MTFR1: variants seen among roughly 807,000 people sequenced by gnomAD.
MTFR1 encodes mitochondrial fission regulator 1, also known as chondrocyte protein with a poly-proline region.
A neutral mutation model predicts 38.8 loss-of-function variants in MTFR1; 28 were observed. The observed-to-expected ratio is 0.72, with a 90% confidence interval of 0.53 to 0.99. MTFR1 has a LOEUF of 0.99. MTFR1 is among the 50% of genes least tolerant of loss of function. MTFR1 has a pLI of 0.00. For synonymous variants in MTFR1, 145 were observed against 137.0 expected (o/e 1.06, Z -0.41); for missense variants, 358 against 395.5 (o/e 0.91, Z 0.81).
chr8:65,707,229 A>G lies in MTFR1; in HGVS notation c.737A>G (p.Asn246Ser). Reference sequence around the variant, plus strand: ...ATGCTAGAGATCCTTAAAGAGATGAACAGTGTAAAACTTCGGTCAGTGAAG... The same window carrying G: ...ATGCTAGAGATCCTTAAAGAGATGAGCAGTGTAAAACTTCGGTCAGTGAAG... Reference protein sequence around the residue: ...PNMLEILKEMNSVKLRSVKRS... With the variant: ...PNMLEILKEMSSVKLRSVKRS... The change falls in exon 6 of 8, where the codon AAC becomes AGC. Residue 246 changes from asparagine to serine, a missense_variant. Transcript: ENST00000262146. 6.2e-7 allele frequency: 1 copy of G among 1,614,156 alleles called. No homozygotes were observed. The highest frequency in any genetic ancestry group is 8.5e-7 in the Non-Finnish European group (1 of 1,180,014).
intron 2 of MTFR1, 184 bp from the exon 3 acceptor site, chr8:65,682,165 ATCTC>A (rs779130371): frequency 3.3e-4 from 88 of 268,126 alleles, no homozygotes; most frequent in African/African-American, 1.3e-3. Context: ...AATAATATCT[ATCTC>A]TCTATCTATC....
downstream of MTFR1, among the ~76,000 whole-genome samples, chr8:65,712,698 C>A (rs1026417219): frequency 6.6e-6 from 1 of 152,182 alleles, no homozygotes; most frequent in Non-Finnish European, 1.5e-5. Flanking sequence ...AGACAGTGCT[C>A]ACCAGAACTG....
Position 65,717,091 on chromosome 8 carries a change from AC to A in MTFR1, c.382-2288del, listed in dbSNP as rs147202492. Among the ~76,000 whole-genome samples the A allele has an allele frequency of 6.2e-3, 940 of 152,346 alleles. 10 individuals are homozygous for A. Among genetic ancestry groups the A allele is most frequent in the African/African-American group, 0.022 (905 of 41,574 alleles). ...ATTTTAAAGTGATACAATATTTTGG[AC>A]GTATTGGAATAGATGTTACTAAAAT... is the stretch of plus-strand genomic sequence containing the variant. On this transcript the variant is annotated intron_variant, in intron 2 of 3. Coordinates refer to the MTFR1 transcript ENST00000521247.
intron 2 of MTFR1, among the ~76,000 whole-genome samples, chr8:65,672,917 A>AT (rs768816390): frequency 3.9e-4 from 59 of 152,240 alleles, no homozygotes; most frequent in Non-Finnish European, 6.5e-4. Context: ...CTGGTTTGAT[A>AT]TTTATTTTCT....
chr8:65,715,831 C>A (rs1392347677), intron 2 of MTFR1, among the ~76,000 whole-genome samples: 1 of 149,406 alleles, frequency 6.7e-6, no homozygotes, highest in Non-Finnish European at 1.5e-5. Context: ...TAATAAAGTA[C>A]AAAAAAATTA....
intron 1 of MTFR1, among the ~76,000 whole-genome samples, chr8:65,667,276 CAA>C (rs141779787): frequency 8.5e-5 from 10 of 117,954 alleles, no homozygotes; most frequent in African/African-American, 1.3e-4. Context: ...AACTCCGTCT[CAA>C]AAAAAAAAAA....
At chr8:65,771,683 T>C (rs1241605899), downstream of MTFR1, among the ~76,000 whole-genome samples, 6 of 151,878 alleles carry the variant, frequency 4.0e-5, no homozygotes, top group African/African-American at 1.5e-4. Context: ...GAGACCAGCC[T>C]GGCCAACATG....
intron 1 of MTFR1, among the ~76,000 whole-genome samples, chr8:65,655,970 C>T (rs1438998747): frequency 0.12 from 6,162 of 52,536 alleles, 1,250 homozygotes; most frequent in African/African-American, 0.4. Flanking sequence ...ATATATATAC[C>T]ATATATATAT....
intron 3 of MTFR1, among the ~76,000 whole-genome samples, chr8:65,768,390 T>C (rs1441260289): frequency 6.6e-6 from 1 of 152,098 alleles, no homozygotes; most frequent in Non-Finnish European, 1.5e-5. Flanking sequence ...ATGGGGGTGC[T>C]AATTCTCATG....
intron 4 of MTFR1, among the ~76,000 whole-genome samples, chr8:65,698,603 A>C (rs1191768267): frequency 6.6e-6 from 1 of 152,152 alleles, no homozygotes; most frequent in Non-Finnish European, 1.5e-5. Flanking sequence ...TACATGGGTA[A>C]ATTGCATGTT....
chr8:65,727,071 T>G (rs1418512060), intron 3 of MTFR1: 1 of 997,202 alleles, frequency 1.0e-6, no homozygotes. Context: ...AATTCTAACA[T>G]TCATTGAGAA....
chr8:65,659,923 T>C (rs1809365346), intron 1 of MTFR1, among the ~76,000 whole-genome samples: 1 of 152,210 alleles, frequency 6.6e-6, no homozygotes, highest in Non-Finnish European at 1.5e-5. Context: ...TCTGTATTCT[T>C]TATCTCTAGC....
intron 3 of MTFR1, among the ~76,000 whole-genome samples, chr8:65,767,426 T>C (rs1436541873): frequency 1.3e-5 from 2 of 152,220 alleles, no homozygotes; most frequent in East Asian, 3.8e-4. Context: ...TTGGTTTTCA[T>C]CCACAGTCCC....
chr8:65,776,244 C>T (rs1186723295), downstream of MTFR1, among the ~76,000 whole-genome samples: 1 of 152,194 alleles, frequency 6.6e-6, no homozygotes, highest in Non-Finnish European at 1.5e-5. Context: ...TTCATTACCA[C>T]ACTTGTCACA....
At chr8:65,714,413 G>GTC (rs1282945101), downstream of MTFR1, 1 of 152,018 alleles carries the variant, frequency 6.6e-6, no homozygotes, top group Non-Finnish European at 1.5e-5. Context: ...GAAGATGGAG[G>GTC]AGACCTGCTG....
chr8:65,749,647 T>A (rs908492846), intron 3 of MTFR1, among the ~76,000 whole-genome samples: 4 of 152,240 alleles, frequency 2.6e-5, no homozygotes, highest in African/African-American at 7.2e-5. Flanking sequence ...CATTTAGCCA[T>A]CAACAGCTTC....
chr8:65,684,602 C>T (rs960841763), intron 3 of MTFR1, among the ~76,000 whole-genome samples: 1 of 149,914 alleles, frequency 6.7e-6, no homozygotes. Context: ...CCAGGTTGGT[C>T]TCGAACTCCC....
intron 1 of MTFR1, among the ~76,000 whole-genome samples, chr8:65,656,606 A>C (rs1478092855): frequency 6.7e-6 from 1 of 150,346 alleles, no homozygotes; most frequent in Non-Finnish European, 1.5e-5. Context: ...GATTCAAGCG[A>C]TTCTCACGCC....
intron 1 of MTFR1, among the ~76,000 whole-genome samples, chr8:65,655,563 G>A (rs944902841): frequency 1.1e-4 from 16 of 152,102 alleles, no homozygotes; most frequent in African/African-American, 3.6e-4. Flanking sequence ...TTGTTTTATA[G>A]TATGGTAAAG....
Sources: gnomAD v4.1 joint callset for allele counts (sites outside exome capture counted in the v4.1 genomes callset) on GRCh38, gnomAD v4.1.1 for gene constraint, MANE v1.5 for transcripts, NCBI Gene and HGNC (gene_info 2026-07-23, HGNC 2026-07-21) for gene names.